Variants in IFI16 observed in about 807,000 individuals in gnomAD.
IFI16 encodes the protein gamma-interferon-inducible protein 16.
In IFI16, 49 loss-of-function variants were observed where a neutral mutation model predicts 68.4. That is an observed-to-expected ratio of 0.72 (90% CI 0.57 to 0.91). IFI16 has a LOEUF of 0.91. Among genes scored for constraint, IFI16 ranks in the 40% least tolerant of loss-of-function variants. IFI16 has a pLI of 0.00. For synonymous variants in IFI16, 307 were observed against 315.0 expected (o/e 0.97, Z 0.27); for missense variants, 878 against 942.9 (o/e 0.93, Z 0.90).
chr1:159,015,729 C>A, intron 2 of IFI16, 143 bp from the exon 3 acceptor site: 1 of 628,404 alleles, frequency 1.6e-6, no homozygotes, highest in Non-Finnish European at 2.9e-6. Flanking sequence ...TGGGCTAATG[C>A]AGTAGAGCTA....
intron 9 of IFI16, among the ~76,000 whole-genome samples, chr1:159,050,922 G>C (rs963359545): frequency 6.6e-6 from 1 of 152,090 alleles, no homozygotes; most frequent in African/African-American, 2.4e-5. Context: ...CATTAGAAAG[G>C]GCTTTGCAAT....
intron 1 of IFI16, among the ~76,000 whole-genome samples, chr1:159,013,484 A>T (rs1652716589): frequency 6.6e-6 from 1 of 152,140 alleles, no homozygotes; most frequent in South Asian, 2.1e-4. Flanking sequence ...ATAGCCCCTG[A>T]AATTTAGATA....
At chr1:159,038,467 G>T (rs907255042) in intron 7 of IFI16, among the ~76,000 whole-genome samples, 4 of 152,008 alleles carry the variant, frequency 2.6e-5, no homozygotes, top group African/African-American at 9.7e-5. Flanking sequence ...TGAGCTCAAG[G>T]GATCCTCCTG....
At chr1:159,054,622 G>A (rs572972084) in intron 11 of IFI16, among the ~76,000 whole-genome samples, 199 bp from the exon 12 acceptor site, 13 of 152,186 alleles carry the variant, frequency 8.5e-5, no homozygotes, top group African/African-American at 1.7e-4. Flanking sequence ...CTCATTTCAC[G>A]GTCCAAATTA....
intron 7 of IFI16, among the ~76,000 whole-genome samples, chr1:159,034,499 C>T (rs1011532922): frequency 6.6e-6 from 1 of 152,156 alleles, no homozygotes; most frequent in African/African-American, 2.4e-5. Flanking sequence ...ACCTTTCATC[C>T]TTTCACTTCG....
At chr1:159,022,034 G>GCTT (rs1420897495) in intron 6 of IFI16, among the ~76,000 whole-genome samples, 1 of 127,472 alleles carries the variant, frequency 7.8e-6, no homozygotes, top group East Asian at 2.5e-4. Flanking sequence ...CGCTATCTCG[G>GCTT]CTTACTGCAA....
At chr1:159,054,262 A>G (rs1300850697) in intron 11 of IFI16, among the ~76,000 whole-genome samples, 1 of 152,206 alleles carries the variant, frequency 6.6e-6, no homozygotes, top group Non-Finnish European at 1.5e-5. Context: ...GGTCTACATA[A>G]CAAAGTCCAT....
intron 8 of IFI16, among the ~76,000 whole-genome samples, chr1:159,047,113 G>A (rs1366872633): frequency 6.6e-6 from 1 of 150,704 alleles, no homozygotes. Flanking sequence ...CAACTTGAGG[G>A]ATAGGGAACA....
At chr1:159,012,523 G>C (rs2101800159) in intron 1 of IFI16, among the ~76,000 whole-genome samples, 1 of 152,290 alleles carries the variant, frequency 6.6e-6, no homozygotes, top group Middle Eastern at 3.4e-3. Context: ...CCCAAATCTG[G>C]TTTTATTTTG....
At chr1:159,002,559 T>G (rs537197695), upstream of IFI16, among the ~76,000 whole-genome samples, 39 of 152,356 alleles carry the variant, frequency 2.6e-4, no homozygotes, top group African/African-American at 9.1e-4. Flanking sequence ...TACTATTACC[T>G]CATACCATTT....
At chr1:159,004,779 T>A (rs72704962), upstream of IFI16, among the ~76,000 whole-genome samples, 1 of 152,138 alleles carries the variant, frequency 6.6e-6, no homozygotes, top group Admixed American at 6.5e-5. Context: ...ATTTTAGAGA[T>A]AAATTATATC....
chr1:159,012,859 C>T (rs1652657390), intron 1 of IFI16, among the ~76,000 whole-genome samples: 1 of 152,154 alleles, frequency 6.6e-6, no homozygotes, highest in African/African-American at 2.4e-5. Flanking sequence ...AGCACACTCA[C>T]AAAATAAGTC....
chr1:159,034,712 C>T (rs191306446), intron 7 of IFI16, among the ~76,000 whole-genome samples: 1,542 of 152,256 alleles, frequency 0.01, 19 homozygotes, highest in Non-Finnish European at 0.012. Flanking sequence ...GAGATCCTCC[C>T]ATAGTTGGTT....
Position 159,053,596 on chromosome 1 carries a change from G to A in IFI16, c.2149G>A (p.Val717Met), listed in dbSNP as rs775394207. 1.9e-6 allele frequency: 3 copies of A among 1,613,526 alleles called. No homozygotes were observed. Among genetic ancestry groups the A allele is most frequent in the African/African-American group, 2.7e-5 (2 of 74,916 alleles). Residue 717 changes from valine (V) to methionine (M), a missense_variant, in exon 11 of 12, where the codon GTG (valine) becomes ATG (methionine). Val to Met is a conservative substitution (Grantham distance 21). This residue lies in a region of IFI16 where 311 missense variants were observed against 305.1 expected (regional missense o/e 1.02). Coordinates refer to ENST00000295809, the MANE Select transcript of IFI16 (RefSeq NM_001376587.1). ...IQDNTGKMEV[V>M]VHGRLTTINC... ...AGATAATACAGGGAAGATGGAAGTG[G>A]TGGTGCATGGACGACTGACCACAAT...
At chr1:159,039,748 T>C (rs1654513754) in intron 7 of IFI16, among the ~76,000 whole-genome samples, 1 of 152,138 alleles carries the variant, frequency 6.6e-6, no homozygotes, top group African/African-American at 2.4e-5. Context: ...TAGAATAAAG[T>C]CTTCTCAAGA....
At chr1:159,045,904 C>CT (rs927994588) in intron 8 of IFI16, among the ~76,000 whole-genome samples, 1 of 151,122 alleles carries the variant, frequency 6.6e-6, no homozygotes, top group African/African-American at 2.4e-5. Flanking sequence ...TATCAGAAAT[C>CT]TTTATCTAAT....
Position 159,049,935 on chromosome 1 carries a change from G to A in IFI16, c.1665+336G>A, listed in dbSNP as rs1237231797. Among the ~76,000 whole-genome samples the A allele has an allele frequency of 3.5e-3, 537 of 152,210 alleles. 5 individuals are homozygous for A. Among genetic ancestry groups the A allele is most frequent in the African/African-American group, 0.012 (497 of 41,504 alleles). On this transcript the variant is annotated intron_variant, in intron 9 of 11. Coordinates refer to ENST00000295809, the MANE Select transcript of IFI16 (RefSeq NM_001376587.1). ...CAGAGCCACCCATAACACTATCACTGATTTTTCCCCTTTCATTTATTATAA... is the reference window on the plus strand; with the variant it reads ...CAGAGCCACCCATAACACTATCACTAATTTTTCCCCTTTCATTTATTATAA...
intron 6 of IFI16, among the ~76,000 whole-genome samples, chr1:159,025,269 C>T (rs1653586491): frequency 6.6e-6 from 1 of 152,066 alleles, no homozygotes; most frequent in Admixed American, 6.6e-5. Flanking sequence ...TCACCACCCC[C>T]GCGTGCTATG....
At chr1:159,040,529 T>A (rs1654564315) in intron 7 of IFI16, among the ~76,000 whole-genome samples, 1 of 152,234 alleles carries the variant, frequency 6.6e-6, no homozygotes, top group South Asian at 2.1e-4. Context: ...ATGTTCTAAA[T>A]TTAGAAATAT....
Sources: gnomAD v4.1 joint callset for allele counts (sites outside exome capture counted in the v4.1 genomes callset) on GRCh38, gnomAD v4.1.1 for gene constraint, gnomAD v4.1.1 regional missense constraint, MANE v1.5 for transcripts, NCBI Gene and HGNC (gene_info 2026-07-23, HGNC 2026-07-21) for gene names.